ZFHX3: variants seen among roughly 807,000 people sequenced by gnomAD.
ZFHX3 encodes zinc finger homeobox 3, also known as zinc finger homeobox protein 3.
In ZFHX3, 42 loss-of-function variants were observed where a neutral mutation model predicts 279.1. The observed-to-expected ratio is 0.15, with a 90% CI of 0.12 to 0.19. The LOEUF is 0.19. Ranked by LOEUF, ZFHX3 falls within the 10% of genes least tolerant of loss-of-function variation. The pLI is 1.00. For missense variants in ZFHX3, 4,981 were observed against 4,754.0 expected (o/e 1.05, Z -1.40); for synonymous variants, 2,293 against 1,957.8 (o/e 1.17, Z -4.52).
intron 1 of ZFHX3, among the ~76,000 whole-genome samples, chr16:73,761,953 C>T (rs2053872390): frequency 6.6e-6 from 1 of 151,996 alleles, no homozygotes; most frequent in Admixed American, 6.6e-5. Context: ...ATGTCAAAAG[C>T]AATTGCAACA....
At chr16:72,861,200 C>T (rs1597320536) in intron 4 of ZFHX3, among the ~76,000 whole-genome samples, 1 of 152,242 alleles carries the variant, frequency 6.6e-6, no homozygotes, top group Admixed American at 6.5e-5. Context: ...TCTTGTCACA[C>T]ATTGCCATAT....
chr16:73,848,378 G>A (rs780539295), intron 1 of ZFHX3, among the ~76,000 whole-genome samples: 22 of 151,928 alleles, frequency 1.4e-4, no homozygotes, highest in Admixed American at 5.2e-4. Context: ...CTAGGGCAAC[G>A]TTACTTGATA....
At chr16:73,237,113 G>C (rs2012974009) in intron 5 of ZFHX3, among the ~76,000 whole-genome samples, 1 of 152,208 alleles carries the variant, frequency 6.6e-6, no homozygotes, top group African/African-American at 2.4e-5. Flanking sequence ...CTCACAGAGA[G>C]AGGACTTGCC....
At chr16:73,890,037 T>C (rs1395004532) in intron 1 of ZFHX3, among the ~76,000 whole-genome samples, 2 of 152,156 alleles carry the variant, frequency 1.3e-5, no homozygotes, top group Non-Finnish European at 2.9e-5. Context: ...ACATAACAAT[T>C]AGTCCTAAAT....
chr16:73,405,141 AG>A (rs1169392306), intron 3 of ZFHX3, among the ~76,000 whole-genome samples: 1 of 152,174 alleles, frequency 6.6e-6, no homozygotes, highest in Non-Finnish European at 1.5e-5. Flanking sequence ...TACAACCATC[AG>A]TGTTGTTCTG....
intron 1 of ZFHX3, among the ~76,000 whole-genome samples, chr16:73,793,154 T>C (rs1346070140): frequency 2.0e-5 from 3 of 152,192 alleles, no homozygotes; most frequent in African/African-American, 7.2e-5. Flanking sequence ...ATTTCTTCCT[T>C]CTGTCCCTCT....
rs33959280 is a variant in ZFHX3, at chr16:73,455,730, C to CT, written c.-1291+272dup. On this transcript the variant is annotated intron_variant, in intron 3 of 17. Transcript: ENST00000641206. ...TTTTCTTCCTTTTTTTAAAATATTG[C>CT]TTTTTTTTTTTTTTAACTTCAAAGC... 3.0e-3 allele frequency among the ~76,000 whole-genome samples: 442 copies of CT among 147,218 alleles called. 3 individuals carry two copies. The highest frequency in any genetic ancestry group is 8.9e-3 in the South Asian group (40 of 4,492).
chr16:73,449,352 C>A (rs559526469), intron 3 of ZFHX3, among the ~76,000 whole-genome samples: 15 of 152,212 alleles, frequency 9.9e-5, no homozygotes, highest in Admixed American at 2.0e-4. Context: ...GAGCATCTAA[C>A]GATCTTCTAA....
intron 3 of ZFHX3, among the ~76,000 whole-genome samples, chr16:72,895,097 T>G (rs1222126917): frequency 6.6e-6 from 1 of 152,218 alleles, no homozygotes; most frequent in African/African-American, 2.4e-5. Flanking sequence ...TGAGTCTAAG[T>G]GTCTACAACA....
At chr16:73,538,021 T>G (rs1230642586) in intron 2 of ZFHX3, among the ~76,000 whole-genome samples, 1 of 152,210 alleles carries the variant, frequency 6.6e-6, no homozygotes, top group Middle Eastern at 3.2e-3. Flanking sequence ...GACTGGTCAT[T>G]TTTGCATTCT....
In ZFHX3 at chr16:73,025,728, A is replaced by T. The variant is rs910184058; in HGVS notation, c.-50+22024T>A. On this transcript the variant is annotated intron_variant, in intron 1 of 9. Coordinates refer to ENST00000268489, the MANE Select transcript of ZFHX3 (RefSeq NM_006885.4). ...GTCAGGGCCCAACCGAAAAAGATAA[A>T]CAGTCAGAGACCTACAGGAAAAGGC... 2.6e-5 allele frequency among the ~76,000 whole-genome samples: 4 copies of T among 152,246 alleles called. No individual in the cohort carries two copies. In the South Asian group the frequency reaches 8.3e-4, roughly 32 times the overall value.
chr16:73,637,154 C>T (rs2052534215), intron 2 of ZFHX3, among the ~76,000 whole-genome samples: 1 of 151,366 alleles, frequency 6.6e-6, no homozygotes, highest in Non-Finnish European at 1.5e-5. Flanking sequence ...GAAAGCTGGG[C>T]CAATATTTAA....
intron 5 of ZFHX3, among the ~76,000 whole-genome samples, chr16:73,148,429 A>G (rs1002200685): frequency 3.3e-5 from 5 of 152,210 alleles, no homozygotes; most frequent in South Asian, 2.1e-4. Context: ...CCATGGTTCC[A>G]TGCAGCAATT....
In ZFHX3 at chr16:73,800,799, A is replaced by T. The variant is rs180685126; in HGVS notation, c.-1608+90852T>A. Among the ~76,000 whole-genome samples the T allele has an allele frequency of 3.3e-5, 5 of 151,826 alleles. No homozygotes were observed. The East Asian group carries it at 9.7e-4, about 29-fold the overall frequency. ...CAGCATCCTCTGGGCTGAAGTTCAG[A>T]CTCCGTCTACCCCCAAAAGAAAAAC... On this transcript the variant is annotated intron_variant, in intron 1 of 17. Transcript: ENST00000641206.
chr16:73,013,932 T>C (rs540569559), intron 1 of ZFHX3, among the ~76,000 whole-genome samples: 1 of 152,162 alleles, frequency 6.6e-6, no homozygotes, highest in African/African-American at 2.4e-5. Flanking sequence ...CCTACAAATA[T>C]GTTACCTTCT....
chr16:73,351,919 G>C (rs1171805008), intron 3 of ZFHX3, among the ~76,000 whole-genome samples: 1 of 152,180 alleles, frequency 6.6e-6, no homozygotes, highest in Non-Finnish European at 1.5e-5. Flanking sequence ...CATTACAAAA[G>C]TATCTAAATG....
chr16:72,890,221 C>T (rs749459715), intron 3 of ZFHX3, among the ~76,000 whole-genome samples: 1 of 152,190 alleles, frequency 6.6e-6, no homozygotes, highest in Non-Finnish European at 1.5e-5. Context: ...GTGGTTCCCC[C>T]ATGCTGTTCT....
chr16:73,458,328 T>TCCTCCCTCCCTC (rs2018411098), intron 2 of ZFHX3, among the ~76,000 whole-genome samples: 1 of 133,512 alleles, frequency 7.5e-6, no homozygotes, highest in Admixed American at 7.8e-5. Flanking sequence ...CTCCCTCACT[T>TCCTCCCTCCCTC]CCTCCCTCCC....
chr16:73,840,064 A>C lies in ZFHX3; in HGVS notation c.-1608+51587T>G, dbSNP rs73603517. The stretch of plus-strand genomic sequence containing the variant: ...GGCATCTGGAGTGAACAGGGACCTA[A>C]TCTTTGTCTCTGCACACCCAGCTCA... On this transcript the variant is annotated intron_variant, in intron 1 of 17. Coordinates refer to the ZFHX3 transcript ENST00000641206. Among the ~76,000 whole-genome samples, 1,030 of 152,246 alleles carry C rather than the reference A, an allele frequency of 6.8e-3. 15 individuals carry two copies. The highest frequency in any genetic ancestry group is 0.024 in the African/African-American group (992 of 41,544).
Sources: gnomAD v4.1 joint callset for allele counts (sites outside exome capture counted in the v4.1 genomes callset) on GRCh38, gnomAD v4.1.1 for gene constraint, MANE v1.5 for transcripts, NCBI Gene and HGNC (gene_info 2026-07-23, HGNC 2026-07-21) for gene names.